Variants in ZNF3 observed in about 807,000 individuals in gnomAD.
The protein encoded by ZNF3 is zinc finger protein 3, also known as C2-H2 type zinc finger protein.
ZNF3 carries 16 observed loss-of-function variants against 36.9 expected under a neutral mutation model. The observed-to-expected ratio is 0.43, with a 90% CI of 0.29 to 0.66. The LOEUF (loss-of-function observed/expected upper bound fraction) is 0.66. Ranked by LOEUF, ZNF3 falls within the 30% of genes least tolerant of loss-of-function variation. ZNF3 has a pLI of 0.13. For missense variants in ZNF3, 462 were observed against 543.1 expected, an observed-to-expected ratio of 0.85 and a Z score of 1.48; for synonymous variants, 201 against 201.9, an observed-to-expected ratio of 1.00 and a Z score of 0.04.
exon 6 of ZNF3, chr7:100,064,432 G>T: frequency 6.2e-7 from 1 of 1,614,078 alleles, no homozygotes; most frequent in African/African-American, 1.3e-5. Context: ...CCACACCGGA[G>T]AGAAGCCATA....
chr7:100,080,517 A>C (rs1468753926), intron 1 of ZNF3, among the ~76,000 whole-genome samples: 1 of 147,028 alleles, frequency 6.8e-6, no homozygotes, highest in Non-Finnish European at 1.5e-5. Flanking sequence ...TTTAAAAGGA[A>C]AAAAAAAAAA....
downstream of ZNF3, among the ~76,000 whole-genome samples, chr7:100,069,754 T>C (rs1792852769): frequency 6.6e-6 from 1 of 152,082 alleles, no homozygotes; most frequent in Admixed American, 6.6e-5. Context: ...GCTAGGATTA[T>C]AGGCATGTGC....
chr7:100,070,281 A>G lies in ZNF3; in HGVS notation c.*862T>C, dbSNP rs895231966. ...CTCCTGGGGCTGGGTGTCAGAGGTG[A>G]GAGGGCAGGGCAAGCAGGCCAAGTG... On this transcript the variant is annotated 3_prime_UTR_variant, in exon 6 of 6. Coordinates refer to ENST00000299667, the MANE Select transcript of ZNF3 (RefSeq NM_032924.5). 6.1e-6 allele frequency: 6 copies of G among 985,236 alleles called. No homozygotes were observed. The African/African-American group carries it at 1.1e-4, about 17-fold the overall frequency. 61.0% of individuals were successfully genotyped at this position (985,236 alleles called of 1,614,324 possible).
At chr7:100,074,273 T>C (rs1793701489) in intron 5 of ZNF3, among the ~76,000 whole-genome samples, 1 of 152,132 alleles carries the variant, frequency 6.6e-6, no homozygotes, top group African/African-American at 2.4e-5. Context: ...ACCTCCACTT[T>C]ATTTACTTAT....
chr7:100,067,545 C>T (rs1562854880), downstream of ZNF3, among the ~76,000 whole-genome samples: 1 of 152,134 alleles, frequency 6.6e-6, no homozygotes, highest in Non-Finnish European at 1.5e-5. Flanking sequence ...GCTGGGACTA[C>T]AGATGTGTGC....
chr7:100,064,734 C>G, exon 6 of ZNF3: 1 of 1,612,876 alleles, frequency 6.2e-7, no homozygotes, highest in South Asian at 1.1e-5. Context: ...CACTCAACAT[C>G]AGGGGATGCC....
In ZNF3 at chr7:100,070,290, G is replaced by A; in HGVS notation, c.*853C>T. On this transcript the variant is annotated 3_prime_UTR_variant, in exon 6 of 6. Coordinates refer to ENST00000299667, the MANE Select transcript of ZNF3 (RefSeq NM_032924.5). The stretch of plus-strand genomic sequence containing the variant: ...CTGGGTGTCAGAGGTGAGAGGGCAG[G>A]GCAAGCAGGCCAAGTGAGCTCCTTG... 2.0e-6 allele frequency: 2 copies of A among 985,628 alleles called. No homozygotes were observed. The highest frequency in any genetic ancestry group is 2.4e-6 in the Non-Finnish European group (2 of 830,108). 61.1% of individuals were successfully genotyped at this position (985,628 alleles called of 1,614,324 possible).
downstream of ZNF3, among the ~76,000 whole-genome samples, chr7:100,065,928 G>T (rs1464479382): frequency 6.8e-6 from 1 of 146,312 alleles, no homozygotes; most frequent in Non-Finnish European, 1.5e-5. Context: ...ACTAGATCCT[G>T]TATCAAAAAG....
chr7:100,069,229 A>C (rs1008076434), downstream of ZNF3, among the ~76,000 whole-genome samples: 1 of 151,772 alleles, frequency 6.6e-6, no homozygotes, highest in African/African-American at 2.4e-5. Context: ...AAGTGTTGGG[A>C]TTATAAGCAT....
chr7:100,065,803 T>A (rs1792622356), downstream of ZNF3, among the ~76,000 whole-genome samples: 1 of 150,530 alleles, frequency 6.6e-6, no homozygotes, highest in African/African-American at 2.4e-5. Context: ...CTCAGGGACA[T>A]GGCCATAGGG....
chr7:100,070,919 G>A lies in ZNF3; in HGVS notation c.*224C>T, dbSNP rs1459931811. 3.7e-5 allele frequency: 49 copies of A among 1,342,202 alleles called. No homozygotes were observed. Among genetic ancestry groups the A allele is most frequent in the Non-Finnish European group, 4.6e-5 (48 of 1,051,328 alleles). 83.1% of individuals were successfully genotyped at this position (1,342,202 alleles called of 1,614,324 possible). ...ACTCCTTTCCTAAATGGGGTAACTG[G>A]TCCCAGAGCTGCTTTCTATTCCCAG... is the stretch of plus-strand genomic sequence containing the variant. On this transcript the variant is annotated 3_prime_UTR_variant, in exon 6 of 6. Coordinates refer to ENST00000299667, the MANE Select transcript of ZNF3 (RefSeq NM_032924.5).
At chr7:100,080,366 C>T (rs763989678) in intron 1 of ZNF3, among the ~76,000 whole-genome samples, 1 of 152,306 alleles carries the variant, frequency 6.6e-6, no homozygotes, top group Admixed American at 6.5e-5. Context: ...CAGTGGCTCA[C>T]GCCTGTAACC....
rs543510995 is a variant in ZNF3 at position 100,073,542 on chromosome 7, G to T, written c.272-1330C>A. 6.2e-4 allele frequency among the ~76,000 whole-genome samples: 94 copies of T among 151,864 alleles called. 3 individuals carry two copies. The South Asian group carries it at 0.019, about 31-fold the overall frequency. On this transcript the variant is annotated intron_variant, in intron 5 of 5. Coordinates refer to ENST00000299667, the MANE Select transcript of ZNF3 (RefSeq NM_032924.5). ...TTTTTTTGTATTTTTAGTAGAGATG[G>T]CGTTTCAACATGTTGGCCAGGCTGG...
Position 100,071,856 on chromosome 7 carries a change from T to A in ZNF3, c.628A>T (p.Asn210Tyr). The A allele has an allele frequency of 6.2e-7, 1 of 1,614,114 alleles. No homozygotes were observed. Among genetic ancestry groups the A allele is most frequent in the Non-Finnish European group, 8.5e-7 (1 of 1,179,976 alleles). ...HKCDECSKSF[N>Y]RTSDLIQHQR... ...TGTTGAATAAGGTCTGAAGTTCGAT[T>A]AAAGCTCTTGCTACATTCATCACAC... The change falls in exon 6 of 6, where the codon AAT becomes TAT. Residue 210 changes from asparagine to tyrosine, a missense_variant. Asn to Tyr is a moderately radical substitution (Grantham distance 143). Coordinates refer to ENST00000299667, the MANE Select transcript of ZNF3 (RefSeq NM_032924.5).
exon 6 of ZNF3, chr7:100,064,143 C>A (rs1270022944): frequency 6.2e-7 from 1 of 1,614,028 alleles, no homozygotes; most frequent in Admixed American, 1.7e-5. Context: ...CTTTCAGCCA[C>A]AGCTCAAACC....
At chr7:100,073,281 T>G (rs1227303754) in intron 5 of ZNF3, among the ~76,000 whole-genome samples, 1 of 152,120 alleles carries the variant, frequency 6.6e-6, no homozygotes. Context: ...AAATGCCCAC[T>G]AAGAGTGGGG....
rs1792953160 is a variant in ZNF3, at chr7:100,070,461, G to T, written c.*682C>A. 3 of 985,522 alleles carry T rather than the reference G, an allele frequency of 3.0e-6. No homozygotes were observed. Among genetic ancestry groups the T allele is most frequent in the Non-Finnish European group, 3.6e-6 (3 of 830,040 alleles). 61.0% of individuals were successfully genotyped at this position (985,522 alleles called of 1,614,324 possible). A position where few individuals can be genotyped will look rare whatever the true frequency, so the allele number is the denominator to read the frequency against. On this transcript the variant is annotated 3_prime_UTR_variant, in exon 6 of 6. Transcript: ENST00000299667. Reference sequence around the variant, plus strand: ...GGTTACTAGCTGTTTGGACAGATTTGCCCATTCAGCCCCAGGACAACTGGG... The same window carrying T: ...GGTTACTAGCTGTTTGGACAGATTTTCCCATTCAGCCCCAGGACAACTGGG...
downstream of ZNF3, chr7:100,065,157 G>C: frequency 1.9e-6 from 1 of 526,920 alleles, no homozygotes; most frequent in Non-Finnish European, 3.2e-6. Context: ...GTCAGGCACG[G>C]TGGCTTACGC....
At chr7:100,064,554 C>A (rs376525199) in exon 6 of ZNF3, 2 of 1,614,108 alleles carry the variant, frequency 1.2e-6, no homozygotes, top group African/African-American at 1.3e-5. Flanking sequence ...GAAAGACCTT[C>A]TGTAGCAAGT....
Sources: gnomAD v4.1 joint callset for allele counts (sites outside exome capture counted in the v4.1 genomes callset) on GRCh38, gnomAD v4.1.1 for gene constraint, MANE v1.5 for transcripts, NCBI Gene and HGNC (gene_info 2026-07-23, HGNC 2026-07-21) for gene names.